The following MBD5 variants were observed in gnomAD, a reference collection of about 807,000 sequenced individuals.
MBD5 encodes the protein methyl-CpG binding domain protein 5.
Under a neutral mutation model 117.3 loss-of-function variants are expected in MBD5, and 13 were observed. That is an observed-to-expected ratio of 0.11 (90% CI 0.07 to 0.18). MBD5 has a LOEUF of 0.18. Among genes scored for constraint, MBD5 ranks in the 10% least tolerant of loss-of-function variants. The pLI, the probability that MBD5 is intolerant of heterozygous loss-of-function variation, is 1.00. For missense variants in MBD5, 1,879 were observed against 2,093.8 expected (o/e 0.90, Z 2.00); for synonymous variants, 727 against 766.4 (o/e 0.95, Z 0.85).
Position 148,027,079 on chromosome 2 carries a change from T to G in MBD5, c.-925+5395T>G, listed in dbSNP as rs546225915. 3 of 152,302 alleles carry G rather than the reference T, an allele frequency of 2.0e-5. No homozygotes were observed. In the East Asian group the frequency reaches 5.8e-4, roughly 29 times the overall value. 9.4% of individuals were successfully genotyped at this position (152,302 alleles called of 1,614,324 possible). A position where few individuals can be genotyped will look rare whatever the true frequency, so the allele number is the denominator to read the frequency against. ...ATCCAATGAATATTTACTATAAAAT[T>G]TTTAATATAAATGTGTTGATGGTGT... On this transcript the variant is annotated intron_variant, in intron 1 of 13. Transcript: ENST00000642680.
intron 3 of MBD5, among the ~76,000 whole-genome samples, chr2:148,239,498 T>C (rs989638730): frequency 6.6e-6 from 1 of 152,152 alleles, no homozygotes; most frequent in African/African-American, 2.4e-5. Context: ...TAAATGAACT[T>C]AGGTAAGATT....
intron 3 of MBD5, among the ~76,000 whole-genome samples, chr2:148,243,372 C>T (rs1218397679): frequency 6.6e-6 from 1 of 151,944 alleles, no homozygotes; most frequent in Admixed American, 6.6e-5. Flanking sequence ...TATCTCTATG[C>T]AATCACATGT....
chr2:148,264,307 A>AGAT (rs1169728462), intron 3 of MBD5: 1 of 145,252 alleles, frequency 6.9e-6, no homozygotes, highest in African/African-American at 2.5e-5. Context: ...TCGAAGAAGA[A>AGAT]GAAGAAGAAG....
chr2:148,027,682 C>T (rs1221716407), intron 1 of MBD5: 1 of 152,056 alleles, frequency 6.6e-6, no homozygotes, highest in Non-Finnish European at 1.5e-5. Flanking sequence ...ATCCAAAATT[C>T]TAAATACTTC....
intron 2 of MBD5, among the ~76,000 whole-genome samples, chr2:148,203,564 G>A (rs1033591953): frequency 6.6e-6 from 1 of 152,142 alleles, no homozygotes; most frequent in Admixed American, 6.5e-5. Context: ...TTTTCAAGAG[G>A]TGCGTGTGCA....
intron 4 of MBD5, among the ~76,000 whole-genome samples, chr2:148,451,521 G>A (rs954011820): frequency 1.3e-5 from 2 of 151,946 alleles, no homozygotes; most frequent in African/African-American, 4.8e-5. Flanking sequence ...TTAGAAAGGG[G>A]AAATGTCATT....
At chr2:148,163,135 T>C (rs1248286634) in intron 1 of MBD5, among the ~76,000 whole-genome samples, 3 of 152,264 alleles carry the variant, frequency 2.0e-5, no homozygotes, top group Non-Finnish European at 4.4e-5. Context: ...GTTTTGTTTA[T>C]ATCACAAGTT....
intron 3 of MBD5, among the ~76,000 whole-genome samples, chr2:148,297,774 A>G (rs1701689409): frequency 2.0e-5 from 3 of 151,934 alleles, no homozygotes. Flanking sequence ...CCTACTACTT[A>G]GCTTATTTCT....
At chr2:148,317,240 A>T (rs1702176260) in intron 3 of MBD5, among the ~76,000 whole-genome samples, 1 of 152,038 alleles carries the variant, frequency 6.6e-6, no homozygotes, top group Admixed American at 6.6e-5. Context: ...ATGGTGGCGC[A>T]TGCCTGTAAT....
chr2:148,389,706 T>C (rs1350677517), intron 4 of MBD5, among the ~76,000 whole-genome samples: 2 of 152,156 alleles, frequency 1.3e-5, no homozygotes, highest in African/African-American at 4.8e-5. Flanking sequence ...TTTTTTCACA[T>C]GTTTGTTGGA....
intron 3 of MBD5, among the ~76,000 whole-genome samples, chr2:148,254,172 G>A (rs1406210847): frequency 2.0e-5 from 3 of 152,200 alleles, no homozygotes; most frequent in Non-Finnish European, 4.4e-5. Flanking sequence ...TCTCTGCAGG[G>A]GTTCATCAGC....
intron 1 of MBD5, among the ~76,000 whole-genome samples, chr2:148,148,769 T>A (rs1486938341): frequency 6.6e-6 from 1 of 152,154 alleles, no homozygotes; most frequent in Non-Finnish European, 1.5e-5. Context: ...CTGAAACATT[T>A]TCCTTGTGCA....
chr2:148,332,025 G>A (rs1702672304), intron 3 of MBD5, among the ~76,000 whole-genome samples: 1 of 151,860 alleles, frequency 6.6e-6, no homozygotes, highest in African/African-American at 2.4e-5. Flanking sequence ...TAAGAAAGAA[G>A]AAATTTGCAA....
intron 1 of MBD5, among the ~76,000 whole-genome samples, chr2:148,084,698 C>T (rs899000892): frequency 4.6e-5 from 7 of 152,126 alleles, no homozygotes; most frequent in Admixed American, 2.6e-4. Flanking sequence ...CTTTTCTGGA[C>T]ATTAAAAAGT....
At chr2:148,207,598 C>G (rs1699317304) in intron 2 of MBD5, among the ~76,000 whole-genome samples, 1 of 149,680 alleles carries the variant, frequency 6.7e-6, no homozygotes, top group African/African-American at 2.5e-5. Context: ...AGCATTTGTG[C>G]AAAAGTCAGG....
intron 2 of MBD5, among the ~76,000 whole-genome samples, chr2:148,200,597 A>G (rs141611843): frequency 0.012 from 1,865 of 151,834 alleles, 45 homozygotes; most frequent in African/African-American, 0.043. Context: ...GGAGGCTGAG[A>G]CGGGAGAATG....
At chr2:148,195,879 A>G (rs1698972694) in intron 2 of MBD5, among the ~76,000 whole-genome samples, 1 of 152,234 alleles carries the variant, frequency 6.6e-6, no homozygotes, top group South Asian at 2.1e-4. Flanking sequence ...GTAAAATGCA[A>G]CTAACACATG....
intron 4 of MBD5, among the ~76,000 whole-genome samples, chr2:148,355,193 A>C (rs938245118): frequency 6.6e-6 from 1 of 151,578 alleles, no homozygotes; most frequent in Non-Finnish European, 1.5e-5. Context: ...AGATGGGTAG[A>C]TTGCAAAAAT....
intron 4 of MBD5, among the ~76,000 whole-genome samples, chr2:148,343,339 G>A (rs950275273): frequency 2.0e-5 from 3 of 152,036 alleles, no homozygotes; most frequent in Non-Finnish European, 4.4e-5. Context: ...AGTTCTTTAA[G>A]AAATCTCCAA....
Sources: gnomAD v4.1 joint callset for allele counts (sites outside exome capture counted in the v4.1 genomes callset) on GRCh38, gnomAD v4.1.1 for gene constraint, MANE v1.5 for transcripts, NCBI Gene and HGNC (gene_info 2026-07-23, HGNC 2026-07-21) for gene names.